Variants in NBEAL1 observed in about 807,000 individuals in gnomAD.
NBEAL1 encodes the protein neurobeachin-like protein 1.
In NBEAL1, 273 loss-of-function variants were observed where a neutral mutation model predicts 351.3. That is an observed-to-expected ratio of 0.78 (90% CI 0.70 to 0.86). NBEAL1 has a LOEUF of 0.86. NBEAL1 is among the 40% of genes least tolerant of loss of function. The probability of loss-of-function intolerance (pLI) is 0.00; values close to 1 mark genes in which losing one functional copy is unlikely to be tolerated. For missense variants in NBEAL1, 2,961 were observed against 3,201.3 expected (o/e 0.92, Z 1.81); for synonymous variants, 1,050 against 1,086.4 (o/e 0.97, Z 0.66).
At chr2:203,067,691 G>GA (rs1199600315) in intron 6 of NBEAL1, among the ~76,000 whole-genome samples, 1 of 151,948 alleles carries the variant, frequency 6.6e-6, no homozygotes, top group Non-Finnish European at 1.5e-5. Flanking sequence ...TTTAGGGAAT[G>GA]AAAAAATATC....
At position 203,113,326 on chromosome 2, in the gene NBEAL1, T is replaced by A; in HGVS notation, c.2506+8T>A. On this transcript the variant is annotated splice_region_variant and intron_variant, in intron 17 of 55. Transcript: ENST00000683969. ...AGGCATTATATTTAGCAGGTAAGCA[T>A]GTACAGTCATAATGCTTAAGCAAAT... is the stretch of plus-strand genomic sequence containing the variant. The A allele has an allele frequency of 7.3e-7, 1 of 1,363,914 alleles. No individual in the cohort carries two copies. The highest frequency in any genetic ancestry group is 9.5e-7 in the Non-Finnish European group (1 of 1,053,710). The allele number at this position is 1,363,914 out of a possible 1,614,324, so 84.5% of individuals were successfully genotyped here. A position where few individuals can be genotyped will look rare whatever the true frequency, so the allele number is the denominator to read the frequency against.
At chr2:203,092,289 C>T (rs1559359307) in intron 10 of NBEAL1, among the ~76,000 whole-genome samples, 1 of 151,962 alleles carries the variant, frequency 6.6e-6, no homozygotes, top group Non-Finnish European at 1.5e-5. Context: ...GGCATGGTGG[C>T]TCATGCCTGT....
intron 8 of NBEAL1, 26 bp downstream of exon 8, chr2:203,077,863 A>C (rs965748526): frequency 7.8e-7 from 1 of 1,284,596 alleles, no homozygotes; most frequent in Middle Eastern, 2.6e-4. Flanking sequence ...AAATTTAATA[A>C]ATAAAATTAT....
At chr2:203,136,366 A>G in intron 28 of NBEAL1, 114 bp downstream of exon 28, 1 of 888,112 alleles carries the variant, frequency 1.1e-6, no homozygotes, top group Admixed American at 3.2e-5. Context: ...TTCATGTTCT[A>G]AGTTTCATGA....
intron 2 of NBEAL1, among the ~76,000 whole-genome samples, chr2:203,029,569 G>A (rs2060916894): frequency 6.6e-6 from 1 of 152,050 alleles, no homozygotes; most frequent in Admixed American, 6.6e-5. Context: ...GCATGTGCCA[G>A]TGGTCCCAGC....
intron 29 of NBEAL1, 124 bp from the exon 30 acceptor site, chr2:203,138,038 C>A: frequency 1.2e-6 from 1 of 857,958 alleles, no homozygotes; most frequent in Non-Finnish European, 1.8e-6. Context: ...TTAGGGATAC[C>A]TGCTAGAGAT....
chr2:203,100,002 T>G (rs1322189632), intron 12 of NBEAL1, among the ~76,000 whole-genome samples: 13 of 152,172 alleles, frequency 8.5e-5, no homozygotes, highest in Admixed American at 8.5e-4. Context: ...TGGTATTTGG[T>G]TTTCTATTCC....
intron 10 of NBEAL1, among the ~76,000 whole-genome samples, chr2:203,087,219 A>G (rs1486089121): frequency 1.3e-5 from 2 of 150,824 alleles, no homozygotes; most frequent in African/African-American, 4.9e-5. Context: ...CAGCCTCCCA[A>G]GTAGCTGGGA....
At chr2:203,109,422 T>C (rs921267909) in intron 14 of NBEAL1, among the ~76,000 whole-genome samples, 7 of 152,186 alleles carry the variant, frequency 4.6e-5, no homozygotes, top group South Asian at 2.1e-4. Flanking sequence ...GAATATGCTA[T>C]AAATATATAT....
intron 3 of NBEAL1, among the ~76,000 whole-genome samples, chr2:203,048,523 G>T (rs544096371): frequency 2.7e-4 from 41 of 152,232 alleles, no homozygotes; most frequent in African/African-American, 9.4e-4. Context: ...GTGACCACAG[G>T]AGTGACCTTC....
In NBEAL1 at chr2:203,183,262, C is replaced by A. The variant is rs2064785975; in HGVS notation, c.6596-17C>A. 1.5e-6 allele frequency: 2 copies of A among 1,348,386 alleles called. No homozygotes were observed. The highest frequency in any genetic ancestry group is 4.6e-5 in the East Asian group (2 of 43,012). The allele number at this position is 1,348,386 out of a possible 1,614,324, so 83.5% of individuals were successfully genotyped here. On this transcript the variant is annotated splice_polypyrimidine_tract_variant and intron_variant, in intron 43 of 55. Transcript: ENST00000683969. ...AATCTAAAATGATTTGATACATTTT[C>A]TTTTTACATGTCTTAGAATTTAACT...
chr2:203,109,058 C>G (rs777901905), intron 14 of NBEAL1, among the ~76,000 whole-genome samples: 14 of 152,022 alleles, frequency 9.2e-5, no homozygotes, highest in Non-Finnish European at 1.3e-4. Context: ...AGAAAAAACA[C>G]TATGAAAATG....
At chr2:203,071,109 C>A (rs2061675228) in intron 7 of NBEAL1, among the ~76,000 whole-genome samples, 1 of 152,046 alleles carries the variant, frequency 6.6e-6, no homozygotes, top group South Asian at 2.1e-4. Context: ...TGTCTCTGTT[C>A]AAGGATGGTA....
intron 17 of NBEAL1, 54 bp from the exon 18 acceptor site, chr2:203,115,931 C>T (rs1263486441): frequency 1.7e-6 from 2 of 1,184,458 alleles, no homozygotes; most frequent in Non-Finnish European, 2.5e-6. Flanking sequence ...TAACACAGAA[C>T]CAAGGAGACC....
At chr2:203,098,474 T>C (rs1638492368) in intron 11 of NBEAL1, among the ~76,000 whole-genome samples, 1 of 152,188 alleles carries the variant, frequency 6.6e-6, no homozygotes, top group African/African-American at 2.4e-5. Context: ...AATAAAACAA[T>C]TATTATAGTC....
At position 203,083,361 on chromosome 2, in the gene NBEAL1, T is replaced by G; in HGVS notation, c.827T>G (p.Val276Gly). 6.4e-7 allele frequency: 1 copy of G among 1,555,022 alleles called. No homozygotes were observed. The highest frequency in any genetic ancestry group is 1.2e-5 in the South Asian group (1 of 84,346). ...ACTCTGAAGTGCCTTACAGAAGTGG[T>G]ACATATCCTTCTCAGTAGCAACTCT... is the stretch of plus-strand genomic sequence containing the variant. ...ELTLKCLTEV[V>G]HILLSSNSDQ... Residue 276 changes from valine (V) to glycine (G), a missense_variant, in exon 9 of 56, where the codon GTA (valine) becomes GGA (glycine). By Grantham distance (109) the Val-to-Gly change is moderately radical (BLOSUM62 -3). Transcript: ENST00000683969.
At chr2:203,215,248 C>T (rs1221654454) in intron 55 of NBEAL1, among the ~76,000 whole-genome samples, 1 of 152,110 alleles carries the variant, frequency 6.6e-6, no homozygotes, top group Non-Finnish European at 1.5e-5. Context: ...CACCTGTAGT[C>T]CCAGCACTTT....
At position 203,092,183 on chromosome 2, in the gene NBEAL1, A is replaced by G. The variant is rs147528370; in HGVS notation, c.1099-5364A>G. On this transcript the variant is annotated intron_variant, in intron 10 of 55. Transcript: ENST00000683969. ...AGAAAAGTAGAAAAATAGCAGAAAT[A>G]TGGTTAAGGTTCTTGATATACATGC... is the stretch of plus-strand genomic sequence containing the variant. Among the ~76,000 whole-genome samples, 731 of 152,276 alleles carry G rather than the reference A, an allele frequency of 4.8e-3. 2 individuals are homozygous for G. The highest frequency in any genetic ancestry group is 9.1e-3 in the Admixed American group (139 of 15,284).
chr2:203,068,926 C>T (rs2061636826), intron 7 of NBEAL1, among the ~76,000 whole-genome samples: 1 of 152,046 alleles, frequency 6.6e-6, no homozygotes, highest in Non-Finnish European at 1.5e-5. Flanking sequence ...GACCGGGTTT[C>T]ACCATGCTGA....
Sources: gnomAD v4.1 joint callset for allele counts (sites outside exome capture counted in the v4.1 genomes callset) on GRCh38, gnomAD v4.1.1 for gene constraint, MANE v1.5 for transcripts, NCBI Gene and HGNC (gene_info 2026-07-23, HGNC 2026-07-21) for gene names.